CHMP4B: variants seen among roughly 807,000 people sequenced by gnomAD.
CHMP4B encodes SNF7 homolog associated with Alix 1.
CHMP4B carries 1 observed loss-of-function variant against 25.1 expected under a neutral mutation model. The ratio of observed to expected loss-of-function variants is 0.04; its 90% CI spans 0.01 to 0.19. The LOEUF is 0.19. Among genes scored for constraint, CHMP4B ranks in the 10% least tolerant of loss-of-function variants. The probability of loss-of-function intolerance (pLI) is 1.00; values close to 1 mark genes in which losing one functional copy is unlikely to be tolerated. For synonymous variants in CHMP4B, 101 were observed against 115.6 expected (o/e 0.87, Z 0.81); for missense variants, 151 against 289.7 (o/e 0.52, Z 3.48).
rs528404512 is a variant in CHMP4B at position 33,818,002 on chromosome 20, T to TA, written c.190+6345dup. On this transcript the variant is annotated intron_variant, in intron 1 of 4. Coordinates refer to ENST00000217402, the MANE Select transcript of CHMP4B (RefSeq NM_176812.5). ...CTTTCATCAGTAGTACCTTGGTAGT[T>TA]ACTTATATTTCTCTGAGTCTCAATT... 7.0e-4 allele frequency among the ~76,000 whole-genome samples: 106 copies of TA among 152,336 alleles called. 1 individual carries two copies. In the East Asian group the frequency reaches 0.013, roughly 19 times the overall value.
chr20:33,813,502 T>A lies in CHMP4B; in HGVS notation c.190+1844T>A, dbSNP rs1290151965. The stretch of plus-strand genomic sequence containing the variant: ...GCAGCTGCAGTGGTCCATTTGTGGC[T>A]TGGACTCCAGCTTAGTTGTGGAGAT... On this transcript the variant is annotated intron_variant, in intron 1 of 4. Coordinates refer to ENST00000217402, the MANE Select transcript of CHMP4B (RefSeq NM_176812.5). Among the ~76,000 whole-genome samples the A allele has an allele frequency of 3.3e-5, 5 of 152,140 alleles. No individual in the cohort carries two copies. In the East Asian group the frequency reaches 7.7e-4, roughly 23 times the overall value.
chr20:33,832,039 G>A (rs1465928026), intron 1 of CHMP4B, among the ~76,000 whole-genome samples: 1 of 152,170 alleles, frequency 6.6e-6, no homozygotes, highest in Admixed American at 6.5e-5. Flanking sequence ...AGCATAAAAG[G>A]CTGGTTGGGT....
intron 1 of CHMP4B, among the ~76,000 whole-genome samples, chr20:33,821,229 A>T (rs1978930642): frequency 6.6e-6 from 1 of 152,128 alleles, no homozygotes; most frequent in Non-Finnish European, 1.5e-5. Context: ...TCTACTAAAA[A>T]TACAAAAATT....
intron 1 of CHMP4B, among the ~76,000 whole-genome samples, chr20:33,827,149 A>G (rs192595284): frequency 1.2e-3 from 182 of 152,002 alleles, no homozygotes; most frequent in African/African-American, 4.1e-3. Flanking sequence ...CCCCTCCATC[A>G]CCCAGATTGG....
chr20:33,832,225 T>G (rs1240619079), intron 1 of CHMP4B, among the ~76,000 whole-genome samples: 1 of 152,178 alleles, frequency 6.6e-6, no homozygotes. Context: ...CTTGTTGGCA[T>G]GGATTCAGCT....
At chr20:33,825,223 C>T (rs1185894765) in intron 1 of CHMP4B, among the ~76,000 whole-genome samples, 1 of 152,136 alleles carries the variant, frequency 6.6e-6, no homozygotes, top group Non-Finnish European at 1.5e-5. Flanking sequence ...ACTTTTAATA[C>T]CCGTTAATTG....
rs150347028 is a variant in CHMP4B, at chr20:33,822,262, A to G, written c.190+10604A>G. Among the ~76,000 whole-genome samples, 354 of 151,676 alleles carry G rather than the reference A, an allele frequency of 2.3e-3. 3 individuals are homozygous for G. The highest frequency in any genetic ancestry group is 8.3e-3 in the African/African-American group (345 of 41,320). Reference sequence around the variant, plus strand: ...GGGTTCAAACGATTCTCCTGCCTCAACCTTGTAAGTAGCTGGGATTACAGG... The same window carrying G: ...GGGTTCAAACGATTCTCCTGCCTCAGCCTTGTAAGTAGCTGGGATTACAGG... On this transcript the variant is annotated intron_variant, in intron 1 of 4. Coordinates refer to ENST00000217402, the MANE Select transcript of CHMP4B (RefSeq NM_176812.5).
intron 1 of CHMP4B, among the ~76,000 whole-genome samples, chr20:33,823,055 T>C (rs1340252935): frequency 6.6e-6 from 1 of 152,110 alleles, no homozygotes; most frequent in East Asian, 1.9e-4. Flanking sequence ...CCCAAAGTGC[T>C]GAGATTATAG....
chr20:33,822,247 G>A (rs972994832), intron 1 of CHMP4B, among the ~76,000 whole-genome samples: 4 of 151,862 alleles, frequency 2.6e-5, no homozygotes, highest in African/African-American at 7.3e-5. Context: ...GGGTTCAAAC[G>A]ATTCTCCTGC....
At chr20:33,823,682 C>T (rs1297065674) in intron 1 of CHMP4B, among the ~76,000 whole-genome samples, 2 of 152,238 alleles carry the variant, frequency 1.3e-5, no homozygotes, top group African/African-American at 2.4e-5. Flanking sequence ...GGATCATAGG[C>T]GTGTGCCACC....
chr20:33,845,319 ATCTT>A, intron 1 of CHMP4B, among the ~76,000 whole-genome samples: 2 of 150,874 alleles, frequency 1.3e-5, no homozygotes, highest in Middle Eastern at 6.8e-3. Flanking sequence ...GCCTTGGTGA[ATCTT>A]TTTTTTTTCT....
At chr20:33,849,771 T>C (rs1979795542) in intron 2 of CHMP4B, among the ~76,000 whole-genome samples, 1 of 152,114 alleles carries the variant, frequency 6.6e-6, no homozygotes, top group Admixed American at 6.5e-5. Context: ...TTTTTGTAAA[T>C]AAAGTTTTAT....
At chr20:33,845,599 A>G (rs1214118846) in intron 1 of CHMP4B, among the ~76,000 whole-genome samples, 1 of 152,074 alleles carries the variant, frequency 6.6e-6, no homozygotes, top group African/African-American at 2.4e-5. Flanking sequence ...GTGGGATTAC[A>G]GGCGTGAGCC....
At chr20:33,847,496 A>C (rs1979718701) in intron 1 of CHMP4B, among the ~76,000 whole-genome samples, 3 of 152,146 alleles carry the variant, frequency 2.0e-5, no homozygotes, top group Admixed American at 2.0e-4. Flanking sequence ...TGAGACCGTG[A>C]GGGGAAGGAA....
chr20:33,832,401 G>A (rs1979276520), intron 1 of CHMP4B, among the ~76,000 whole-genome samples: 1 of 152,140 alleles, frequency 6.6e-6, no homozygotes, highest in African/African-American at 2.4e-5. Flanking sequence ...TGGGGGAGGA[G>A]CTCAATCAGT....
At chr20:33,814,962 CAG>C (rs144945828) in intron 1 of CHMP4B, among the ~76,000 whole-genome samples, 4,040 of 152,290 alleles carry the variant, frequency 0.027, 174 homozygotes, top group African/African-American at 0.091. Flanking sequence ...GCTTTTAAAG[CAG>C]AGAGTCATCA....
intron 1 of CHMP4B, among the ~76,000 whole-genome samples, chr20:33,820,908 A>G (rs1978921874): frequency 6.6e-6 from 1 of 152,212 alleles, no homozygotes; most frequent in Admixed American, 6.5e-5. Flanking sequence ...TCAGTGTTTA[A>G]CTTGGTCATA....
intron 1 of CHMP4B, among the ~76,000 whole-genome samples, chr20:33,813,818 T>C (rs1203337747): frequency 6.6e-6 from 1 of 152,118 alleles, no homozygotes; most frequent in Non-Finnish European, 1.5e-5. Context: ...CTGCAACCTC[T>C]GCCTTCTGGG....
At chr20:33,842,206 AG>A (rs1016158275) in intron 1 of CHMP4B, among the ~76,000 whole-genome samples, 1 of 152,198 alleles carries the variant, frequency 6.6e-6, no homozygotes, top group Admixed American at 6.5e-5. Flanking sequence ...CCATCTTTAC[AG>A]GAGAATGGGT....
Sources: gnomAD v4.1 joint callset for allele counts (sites outside exome capture counted in the v4.1 genomes callset) on GRCh38, gnomAD v4.1.1 for gene constraint, MANE v1.5 for transcripts, NCBI Gene and HGNC (gene_info 2026-07-23, HGNC 2026-07-21) for gene names.